The following MDGA2 variants were observed in gnomAD, a reference collection of about 807,000 sequenced individuals.
MDGA2 encodes the protein MAM domain containing glycosylphosphatidylinositol anchor 2.
MDGA2 carries 40 observed loss-of-function variants against 117.8 expected under a neutral mutation model. The observed-to-expected ratio is 0.34, with a 90% CI of 0.26 to 0.44. The LOEUF (loss-of-function observed/expected upper bound fraction) is 0.44. Among genes scored for constraint, MDGA2 ranks in the 20% least tolerant of loss-of-function variants. The probability of loss-of-function intolerance (pLI) is 1.00; values close to 1 mark genes in which losing one functional copy is unlikely to be tolerated. For missense variants in MDGA2, 1,123 were observed against 1,250.6 expected (o/e 0.90, Z 1.54); for synonymous variants, 452 against 439.0 (o/e 1.03, Z -0.37).
intron 1 of MDGA2, among the ~76,000 whole-genome samples, chr14:47,323,984 G>A (rs1002293227): frequency 1.3e-5 from 2 of 151,700 alleles, no homozygotes; most frequent in East Asian, 1.9e-4. Flanking sequence ...GGTGGCTCAC[G>A]CCTGTAATCC....
chr14:47,257,374 C>T lies in MDGA2; in HGVS notation c.421-39179G>A, dbSNP rs545106513. 2.2e-4 allele frequency among the ~76,000 whole-genome samples: 34 copies of T among 152,158 alleles called. No homozygotes were observed. In the South Asian group the frequency reaches 6.6e-3, roughly 30 times the overall value. On this transcript the variant is annotated intron_variant, in intron 2 of 16. Coordinates refer to ENST00000399232, the MANE Select transcript of MDGA2 (RefSeq NM_001113498.3). Reference sequence around the variant, plus strand: ...GATATTTACATGTGTCACTCCTTTGCCTCCTTTAGATTTTTGCTCAAATAT... The same window carrying T: ...GATATTTACATGTGTCACTCCTTTGTCTCCTTTAGATTTTTGCTCAAATAT...
At chr14:46,990,494 T>C (rs569094943) in intron 8 of MDGA2, among the ~76,000 whole-genome samples, 10 of 152,070 alleles carry the variant, frequency 6.6e-5, no homozygotes, top group Non-Finnish European at 1.2e-4. Context: ...CTGAGAAGTA[T>C]TGCAAACATA....
chr14:46,844,082 C>A, intron 16 of MDGA2, among the ~76,000 whole-genome samples: 1 of 151,762 alleles, frequency 6.6e-6, no homozygotes, highest in Admixed American at 6.6e-5. Flanking sequence ...TTATTTATAT[C>A]TCTTCTATTA....
intron 1 of MDGA2, among the ~76,000 whole-genome samples, chr14:47,491,808 A>T (rs1396827540): frequency 6.6e-6 from 1 of 152,168 alleles, no homozygotes; most frequent in Non-Finnish European, 1.5e-5. Flanking sequence ...GATTGAAAAA[A>T]AAAAGACATT....
At chr14:47,580,857 T>C (rs746754374) in intron 1 of MDGA2, among the ~76,000 whole-genome samples, 3 of 151,992 alleles carry the variant, frequency 2.0e-5, no homozygotes, top group African/African-American at 4.8e-5. Flanking sequence ...TTGGTGACAA[T>C]GGCCGTCTCC....
intron 1 of MDGA2, among the ~76,000 whole-genome samples, chr14:47,590,070 TTG>T (rs538777324): frequency 0.013 from 2,028 of 151,462 alleles, 40 homozygotes; most frequent in African/African-American, 0.046. Context: ...GTGTGTGTAT[TTG>T]TGTGTGTGTG....
At chr14:47,658,005 G>T (rs1443519473) in intron 1 of MDGA2, among the ~76,000 whole-genome samples, 3 of 152,132 alleles carry the variant, frequency 2.0e-5, no homozygotes, top group African/African-American at 7.2e-5. Flanking sequence ...GGGTACCTGT[G>T]CTTCCTGTCC....
At chr14:46,863,195 T>G (rs1168950083) in intron 14 of MDGA2, among the ~76,000 whole-genome samples, 1 of 152,096 alleles carries the variant, frequency 6.6e-6, no homozygotes, top group Non-Finnish European at 1.5e-5. Context: ...TTTTGTAGGA[T>G]GCTTTATATT....
intron 1 of MDGA2, among the ~76,000 whole-genome samples, chr14:47,609,025 G>A (rs1315398014): frequency 6.6e-6 from 1 of 151,958 alleles, no homozygotes; most frequent in Non-Finnish European, 1.5e-5. Context: ...GGTCCAGTGA[G>A]GGAAAATCAG....
chr14:46,955,616 A>G (rs1885536217), intron 9 of MDGA2, among the ~76,000 whole-genome samples: 1 of 151,982 alleles, frequency 6.6e-6, no homozygotes, highest in African/African-American at 2.4e-5. Context: ...ACTCTAACAT[A>G]CATCATAAAC....
chr14:47,097,154 T>G, intron 5 of MDGA2, 31 bp from the exon 6 acceptor site: 1 of 1,597,036 alleles, frequency 6.3e-7, no homozygotes, highest in Non-Finnish European at 8.6e-7. Context: ...AACGTGCACC[T>G]ATTTAGATAT....
intron 8 of MDGA2, among the ~76,000 whole-genome samples, chr14:46,981,581 A>G (rs1191631085): frequency 6.6e-6 from 1 of 152,196 alleles, no homozygotes. Context: ...AAATAATACA[A>G]TAGATAAGTT....
At chr14:47,562,620 CT>C (rs575969225) in intron 1 of MDGA2, among the ~76,000 whole-genome samples, 3 of 152,216 alleles carry the variant, frequency 2.0e-5, no homozygotes, top group African/African-American at 7.2e-5. Flanking sequence ...TTAGTTGAAT[CT>C]TTTTTCCTTT....
chr14:47,080,208 G>A (rs1890657886), intron 6 of MDGA2, among the ~76,000 whole-genome samples: 1 of 152,108 alleles, frequency 6.6e-6, no homozygotes, highest in African/African-American at 2.4e-5. Flanking sequence ...TAGAAGAAAT[G>A]ATTCTAAAAT....
chr14:47,454,428 T>C (rs1893304772), intron 1 of MDGA2, among the ~76,000 whole-genome samples: 1 of 152,210 alleles, frequency 6.6e-6, no homozygotes, highest in South Asian at 2.1e-4. Flanking sequence ...ATTTATAACC[T>C]CAATATTTCT....
At chr14:47,408,764 A>T (rs1287438698) in intron 1 of MDGA2, among the ~76,000 whole-genome samples, 1 of 152,204 alleles carries the variant, frequency 6.6e-6, no homozygotes, top group Non-Finnish European at 1.5e-5. Flanking sequence ...TGCTCTTTTT[A>T]AAAAAGTAAG....
At chr14:47,322,206 T>C (rs1178214889) in intron 1 of MDGA2, among the ~76,000 whole-genome samples, 2 of 152,144 alleles carry the variant, frequency 1.3e-5, no homozygotes, top group Admixed American at 6.6e-5. Flanking sequence ...TCACAGAGCA[T>C]ACATTTTTAA....
At chr14:47,239,975 A>C (rs1886985535) in intron 2 of MDGA2, among the ~76,000 whole-genome samples, 1 of 151,820 alleles carries the variant, frequency 6.6e-6, no homozygotes, top group African/African-American at 2.4e-5. Context: ...TGTCACTCAA[A>C]GAGCTGATAC....
At chr14:46,868,750 T>A (rs1881877636) in intron 14 of MDGA2, among the ~76,000 whole-genome samples, 1 of 151,990 alleles carries the variant, frequency 6.6e-6, no homozygotes, top group African/African-American at 2.4e-5. Flanking sequence ...TCCAGCTGTC[T>A]CTATATTGTC....
Sources: allele counts gnomAD v4.1 joint callset (sites outside exome capture counted in the v4.1 genomes callset), GRCh38; gene constraint gnomAD v4.1.1; transcripts MANE v1.5; gene names NCBI Gene and HGNC (gene_info 2026-07-23, HGNC 2026-07-21).